The following USP40 variants were observed in gnomAD, a reference collection of about 807,000 sequenced individuals.
USP40 encodes ubiquitin specific peptidase 40, also known as ubiquitin carboxyl-terminal hydrolase 40.
In USP40, 143 loss-of-function variants were observed where a neutral mutation model predicts 166.2. That is an observed-to-expected ratio of 0.86 (90% CI 0.75 to 0.99). USP40 has a LOEUF of 0.99. Ranked by LOEUF, USP40 falls within the 50% of genes least tolerant of loss-of-function variation. The probability of loss-of-function intolerance (pLI) is 0.00; values close to 1 mark genes in which losing one functional copy is unlikely to be tolerated. For synonymous variants in USP40, 498 were observed against 524.0 expected, an observed-to-expected ratio of 0.95 and a Z score of 0.68; for missense variants, 1,444 against 1,479.7, an observed-to-expected ratio of 0.98 and a Z score of 0.40.
At chr2:233,549,806 A>G (rs191828171) in intron 7 of USP40, among the ~76,000 whole-genome samples, 120 of 152,210 alleles carry the variant, frequency 7.9e-4, no homozygotes, top group Non-Finnish European at 2.4e-4. Flanking sequence ...GTTTTTGTTT[A>G]GAGGCAGTTT....
chr2:233,481,039 G>C (rs143970015), intron 31 of USP40, among the ~76,000 whole-genome samples, 164 bp downstream of exon 31: 42 of 152,312 alleles, frequency 2.8e-4, no homozygotes, highest in Middle Eastern at 3.4e-3. Flanking sequence ...CACTCAAGGA[G>C]AGGAAAGAAC....
At chr2:233,509,458 T>C (rs1043386192) in intron 21 of USP40, among the ~76,000 whole-genome samples, 2 of 152,182 alleles carry the variant, frequency 1.3e-5, no homozygotes, top group Non-Finnish European at 2.9e-5. Flanking sequence ...GTTTTCATTT[T>C]TTTCTTTTAA....
chr2:233,487,896 G>A (rs2167885), intron 28 of USP40: 105,262 of 533,176 alleles, frequency 0.2, 10,914 homozygotes, highest in Middle Eastern at 0.22. Flanking sequence ...GGGGCAGAGC[G>A]ACGGGAGCAA....
At chr2:233,482,016 G>T (rs1362307794) in intron 30 of USP40, among the ~76,000 whole-genome samples, 2 of 152,210 alleles carry the variant, frequency 1.3e-5, no homozygotes, top group Non-Finnish European at 2.9e-5. Context: ...GTGTGGAGGT[G>T]GGGAGCTGGC....
chr2:233,496,813 A>T lies in USP40; in HGVS notation c.2735T>A (p.Leu912His), dbSNP rs199834849. The change falls in exon 24 of 32, where the codon CTT (leucine) becomes CAT (histidine). Residue 912 changes from leucine to histidine, a missense_variant. Transcript: ENST00000678225. ...LCEEDATLKE[L>H]LICSGDTLLL... ...CAAAGTATCTCCAGAACATATCAGA[A>T]GTTCTTTCAGTGTTGCATCCTGGGA... 359 of 1,612,484 alleles carry T rather than the reference A, an allele frequency of 2.2e-4. 7 individuals are homozygous for T. In the Middle Eastern group the frequency reaches 0.011, roughly 49 times the overall value.
rs770609404 is a variant in USP40 at position 233,485,515 on chromosome 2, C to T, written c.3504+16G>A. ...GTGTCTTCTCAAAGTGGTAAATTTG[C>T]TGTTAAACAACTTACCTTAACACCA... On this transcript the variant is annotated intron_variant, in intron 30 of 31. Coordinates refer to ENST00000678225, the MANE Select transcript of USP40 (RefSeq NM_001365479.2). 12 of 1,597,156 alleles carry T rather than the reference C, an allele frequency of 7.5e-6. No homozygotes were observed. The highest frequency in any genetic ancestry group is 1.7e-4 in the Middle Eastern group (1 of 6,044).
chr2:233,533,550 T>A lies in USP40; in HGVS notation c.1400A>T (p.Gln467Leu). 1 of 1,613,914 alleles carries A rather than the reference T, an allele frequency of 6.2e-7. No individual in the cohort carries two copies. The highest frequency in any genetic ancestry group is 8.5e-7 in the Non-Finnish European group (1 of 1,179,816). Residue 467 changes from glutamine to leucine, a missense_variant, in exon 11 of 32, where the codon CAG becomes CTG. Transcript: ENST00000678225. The part of the protein sequence containing the change: ...VQPIREKDIE[Q>L]QFQGKESAYM... Reference sequence around the variant, plus strand: ...GGCACTTTCTTTACCCTGAAATTGCTGTTCAATATCCTTTTCCCTGATTGG... The same window carrying A: ...GGCACTTTCTTTACCCTGAAATTGCAGTTCAATATCCTTTTCCCTGATTGG...
At chr2:233,566,472 C>T (rs967114393) in intron 1 of USP40, among the ~76,000 whole-genome samples, 2 of 152,232 alleles carry the variant, frequency 1.3e-5, no homozygotes, top group African/African-American at 2.4e-5. Flanking sequence ...CTCCTACGGC[C>T]GGCCGAGGCC....
chr2:233,514,196 C>T (rs1045924489), intron 18 of USP40, among the ~76,000 whole-genome samples: 11 of 152,154 alleles, frequency 7.2e-5, no homozygotes, highest in Non-Finnish European at 1.6e-4. Flanking sequence ...AAACTCAGTC[C>T]TCACAGAACC....
At chr2:233,485,662 T>C (rs773395764) in intron 29 of USP40, 36 bp from the exon 30 acceptor site, 103 of 1,606,558 alleles carry the variant, frequency 6.4e-5, no homozygotes, top group Non-Finnish European at 8.5e-5. Context: ...TAAGCAAAAC[T>C]CAACCTCAAG....
At chr2:233,529,860 T>C (rs563176505) in intron 11 of USP40, among the ~76,000 whole-genome samples, 3 of 144,166 alleles carry the variant, frequency 2.1e-5, no homozygotes, top group South Asian at 4.4e-4. Context: ...CAGGCTGGAG[T>C]GCAGTGGCGC....
intron 23 of USP40, 105 bp downstream of exon 23, chr2:233,498,443 T>C (rs2065870638): frequency 3.0e-6 from 3 of 990,970 alleles, no homozygotes; most frequent in Admixed American, 2.8e-5. Flanking sequence ...ATTTGTATCC[T>C]ATAGAAAGTA....
chr2:233,535,743 AG>A (rs1299180330), intron 10 of USP40, among the ~76,000 whole-genome samples: 1 of 152,188 alleles, frequency 6.6e-6, no homozygotes, highest in Admixed American at 6.5e-5. Flanking sequence ...TATATGGAGC[AG>A]GGGGGCAAGA....
At position 233,551,356 on chromosome 2, in the gene USP40, A is replaced by C. The variant is rs2070540735; in HGVS notation, c.837+20T>G. 1 of 1,569,252 alleles carries C rather than the reference A, an allele frequency of 6.4e-7. No homozygotes were observed. The highest frequency in any genetic ancestry group is 1.4e-5 in the African/African-American group (1 of 72,238). On this transcript the variant is annotated intron_variant, in intron 7 of 31. Coordinates refer to ENST00000678225, the MANE Select transcript of USP40 (RefSeq NM_001365479.2). ...CTTGAGAGGGGAAAAGAAAGAATTT[A>C]AAAATAAAATAGTTCAAACCTGTTC...
At chr2:233,491,442 C>A in intron 25 of USP40, 181 bp from the exon 26 acceptor site, 1 of 607,048 alleles carries the variant, frequency 1.6e-6, no homozygotes. Context: ...ATGTTGTCGG[C>A]AGACTCCCAA....
At position 233,475,791 on chromosome 2, in the gene USP40, G is replaced by A. The variant is rs1428249679; in HGVS notation, c.*1601C>T. ...CATTAATATTTCATTACGCTGAGAT[G>A]AGATGAAGGCAGATGCTACAGAAAT... On this transcript the variant is annotated 3_prime_UTR_variant, in exon 32 of 32. Coordinates refer to ENST00000678225, the MANE Select transcript of USP40 (RefSeq NM_001365479.2). 1 of 152,414 alleles carries A rather than the reference G, an allele frequency of 6.6e-6. No homozygotes were observed. Among genetic ancestry groups the A allele is most frequent in the East Asian group, 1.9e-4 (1 of 5,334 alleles). The allele number at this position is 152,414 out of a possible 1,614,324, so 9.4% of individuals were successfully genotyped here.
intron 20 of USP40, among the ~76,000 whole-genome samples, chr2:233,510,392 C>CTTTTTTTTTTTTTTTTT (rs1158427662): frequency 1.2e-4 from 8 of 68,682 alleles, no homozygotes; most frequent in African/African-American, 3.4e-4. Context: ...CTTTTTCTTT[C>CTTTTTTTTTTTTTTTTT]TTTTTTTTTT....
intron 26 of USP40, 84 bp downstream of exon 26, chr2:233,491,083 G>A (rs2065306829): frequency 9.8e-7 from 1 of 1,020,562 alleles, no homozygotes; most frequent in Non-Finnish European, 1.5e-6. Context: ...TGTAATTGAG[G>A]GAAAAGGAGA....
intron 2 of USP40, 149 bp from the exon 3 acceptor site, chr2:233,562,952 T>C (rs1409237398): frequency 2.1e-6 from 1 of 471,268 alleles, no homozygotes. Context: ...TACACTTTAC[T>C]TTCTTGTAAC....
Sources: gnomAD v4.1 joint callset for allele counts (sites outside exome capture counted in the v4.1 genomes callset) on GRCh38, gnomAD v4.1.1 for gene constraint, MANE v1.5 for transcripts, NCBI Gene and HGNC (gene_info 2026-07-23, HGNC 2026-07-21) for gene names.